FOXO3B: variants seen among roughly 807,000 people sequenced by gnomAD.
The protein encoded by FOXO3B is forkhead box O3B, also known as forkhead box protein O3B.
In FOXO3B, 15 loss-of-function variants were observed where a neutral mutation model predicts 21.9. The ratio of observed to expected loss-of-function variants is 0.68; its 90% CI spans 0.46 to 1.05. The LOEUF (loss-of-function observed/expected upper bound fraction) is 1.05. Ranked by LOEUF, FOXO3B falls within the 50% of genes least tolerant of loss-of-function variation. The pLI is 0.00. For missense variants in FOXO3B, 293 were observed against 435.5 expected (o/e 0.67, Z 2.91); for synonymous variants, 135 against 213.6 (o/e 0.63, Z 3.21).
rs1319139201 is a variant in FOXO3B at position 18,668,521 on chromosome 17, T to G, written c.*3788A>C. On this transcript the variant is annotated 3_prime_UTR_variant, in exon 4 of 4. Transcript: ENST00000395675. Reference sequence around the variant, plus strand: ...CTGAAAAGAATTCAACATTTTAAAGTTGAAACACATTGGAGGGTTGCCTTT... The same window carrying G: ...CTGAAAAGAATTCAACATTTTAAAGGTGAAACACATTGGAGGGTTGCCTTT... 1 of 152,632 alleles carries G rather than the reference T, an allele frequency of 6.6e-6. No individual in the cohort carries two copies. Among genetic ancestry groups the G allele is most frequent in the East Asian group, 1.9e-4 (1 of 5,204 alleles). 9.5% of individuals were successfully genotyped at this position (152,632 alleles called of 1,614,324 possible).
intron 1 of FOXO3B, 128 bp from the exon 2 acceptor site, chr17:18,681,974 T>C: frequency 1.6e-6 from 1 of 616,224 alleles, no homozygotes; most frequent in East Asian, 2.7e-5. Context: ...TTTGGACAAA[T>C]TCTGCCGCGC....
At position 18,668,436 on chromosome 17, in the gene FOXO3B, G is replaced by C. The variant is rs1252005769; in HGVS notation, c.*3873C>G. ...AATCTGGTTCTAGGACATTCTGTAAGACATTCTGCCTGAAATTCAACAAAC... is the reference window on the plus strand; with the variant it reads ...AATCTGGTTCTAGGACATTCTGTAACACATTCTGCCTGAAATTCAACAAAC... On this transcript the variant is annotated 3_prime_UTR_variant, in exon 4 of 4. Coordinates refer to ENST00000395675, the MANE Select transcript of FOXO3B (RefSeq NM_001368135.1). The C allele has an allele frequency of 6.6e-6, 1 of 152,564 alleles. No individual in the cohort carries two copies. Among genetic ancestry groups the C allele is most frequent in the Non-Finnish European group, 1.5e-5 (1 of 68,020 alleles). 9.5% of individuals were successfully genotyped at this position (152,564 alleles called of 1,614,324 possible). A position where few individuals can be genotyped will look rare whatever the true frequency, so the allele number is the denominator to read the frequency against.
In FOXO3B at chr17:18,672,867, C is replaced by T. The variant is rs2032401648; in HGVS notation, c.315G>A (p.Pro105=). 1.3e-6 allele frequency: 2 copies of T among 1,560,542 alleles called. No individual in the cohort carries two copies. Among genetic ancestry groups the T allele is most frequent in the East Asian group, 2.4e-5 (1 of 42,006 alleles). The change falls in exon 4 of 4, where the codon CCG becomes CCA. Residue 105 remains proline (P), a synonymous_variant. Coordinates refer to ENST00000395675, the MANE Select transcript of FOXO3B (RefSeq NM_001368135.1). The surrounding 1 kb of genome is among the most constrained non-coding windows in gnomAD (Gnocchi z 4.2). ...GCGGACGGCTCTGGGGCTCGAACTC[C>T]GGGTCCAGCTCCACTTCGAGCGGAG... The part of the protein sequence containing the change: ...PLSPLEVELD[P]EFEPQSRPRS...
At position 18,670,855 on chromosome 17, in the gene FOXO3B, T is replaced by C. The variant is rs940255354; in HGVS notation, c.*1454A>G. ...CAAAGGGTTTTCTCTGTAGGTCTTG[T>C]GTCAGTTTGAGGGTCTGCTTTGCCC... On this transcript the variant is annotated 3_prime_UTR_variant, in exon 4 of 4. Transcript: ENST00000395675. The C allele has an allele frequency of 2.9e-5, 46 of 1,576,120 alleles. No homozygotes were observed. In the African/African-American group the frequency reaches 5.1e-4, roughly 18 times the overall value.
chr17:18,674,335 G>A (rs983676197), intron 3 of FOXO3B, among the ~76,000 whole-genome samples: 1 of 150,352 alleles, frequency 6.7e-6, no homozygotes, highest in African/African-American at 2.5e-5. Flanking sequence ...TTAAAAATAG[G>A]GAGATTATTG....
rs2032396963 is a variant in FOXO3B, at chr17:18,672,731, C to G, written c.451G>C (p.Asp151His). The G allele has an allele frequency of 1.1e-5, 17 of 1,526,554 alleles. No individual in the cohort carries two copies. The highest frequency in any genetic ancestry group is 2.4e-5 in the East Asian group (1 of 41,150). 94.6% of individuals were successfully genotyped at this position (1,526,554 alleles called of 1,614,324 possible). Residue 151 changes from aspartate (D) to histidine (H), a missense_variant, in exon 4 of 4, where the codon GAC becomes CAC. This residue lies in a region of FOXO3B where 251 missense variants were observed against 404.0 expected (regional missense o/e 0.62). Coordinates refer to ENST00000395675, the MANE Select transcript of FOXO3B (RefSeq NM_001368135.1). The surrounding 1 kb of genome is among the most constrained non-coding windows in gnomAD (Gnocchi z 4.2). The stretch of plus-strand genomic sequence containing the variant: ...CCGGCCCGTCCCCCGCCGTCCTCGT[C>G]GTCTTCATCGTCCTCCTCCTCGGGG... ...MIPEEEDDED[D>H]EDGGGRAGSA...
At position 18,671,283 on chromosome 17, in the gene FOXO3B, C is replaced by T. The variant is rs1199085573; in HGVS notation, c.*1026G>A. The stretch of plus-strand genomic sequence containing the variant: ...GTTGCTGACAGAATTCGACAAGGCA[C>T]GGCTGCCACCAAGAGCGCCCTGGGT... On this transcript the variant is annotated 3_prime_UTR_variant, in exon 4 of 4. Coordinates refer to ENST00000395675, the MANE Select transcript of FOXO3B (RefSeq NM_001368135.1). The T allele has an allele frequency of 5.5e-5, 85 of 1,545,610 alleles. 2 individuals are homozygous for T. Among genetic ancestry groups the T allele is most frequent in the Middle Eastern group, 1.7e-4 (1 of 5,946 alleles).
rs116808485 is a variant in FOXO3B at position 18,680,829 on chromosome 17, A to G, written c.38T>C (p.Val13Ala). The G allele has an allele frequency of 0.068, 96,098 of 1,412,278 alleles. 9,521 individuals are homozygous for G. Among genetic ancestry groups the G allele is most frequent in the African/African-American group, 0.2 (12,187 of 60,644 alleles). 87.5% of individuals were successfully genotyped at this position (1,412,278 alleles called of 1,614,324 possible). A position where few individuals can be genotyped will look rare whatever the true frequency, so the allele number is the denominator to read the frequency against. The change falls in exon 3 of 4, where the codon GTT becomes GCT. Residue 13 changes from valine to alanine, a missense_variant and splice_region_variant. Val to Ala is a moderately conservative substitution (Grantham distance 64). Transcript: ENST00000395675. ...TDLAEMPEKGVLSSQDSPHFQ... is the reference protein window; with the variant it reads ...TDLAEMPEKGALSSQDSPHFQ... ...ATGGGGAGAATCCTGGGAAGACAGA[A>G]CTAACGACAAGAAAGCAGTAATGAT...
rs3813033 is a variant in FOXO3B at position 18,667,820 on chromosome 17, C to A, written c.*4489G>T. ...CATTAGGTACTCTTCTAATTTCTCA[C>A]CAAAAAGTAGGCGGCTCCCTAGAGC... is the stretch of plus-strand genomic sequence containing the variant. On this transcript the variant is annotated 3_prime_UTR_variant, in exon 4 of 4. Coordinates refer to ENST00000395675, the MANE Select transcript of FOXO3B (RefSeq NM_001368135.1). 7 of 150,930 alleles carry A rather than the reference C, an allele frequency of 4.6e-5. No individual in the cohort carries two copies. Among genetic ancestry groups the A allele is most frequent in the Non-Finnish European group, 1.0e-4 (7 of 67,864 alleles). 9.3% of individuals were successfully genotyped at this position (150,930 alleles called of 1,614,324 possible). A position where few individuals can be genotyped will look rare whatever the true frequency, so the allele number is the denominator to read the frequency against.
At chr17:18,676,813 G>A (rs1212893070) in intron 3 of FOXO3B, among the ~76,000 whole-genome samples, 1 of 151,622 alleles carries the variant, frequency 6.6e-6, no homozygotes, top group African/African-American at 2.4e-5. Context: ...CAATTCTCCT[G>A]CCTCAGCCTC....
rs1351615823 is a variant in FOXO3B at position 18,681,240 on chromosome 17, G to T, written c.37+375C>A. ...TAACAACCACCCCAGGGGGAATTCTGGTGTAGGAGGTCACAGCACAACCTT... is the reference window on the plus strand; with the variant it reads ...TAACAACCACCCCAGGGGGAATTCTTGTGTAGGAGGTCACAGCACAACCTT... On this transcript the variant is annotated intron_variant, in intron 2 of 3. Transcript: ENST00000395675. 25 of 405,818 alleles carry T rather than the reference G, an allele frequency of 6.2e-5. No individual in the cohort carries two copies. The East Asian group carries it at 1.2e-3, about 20-fold the overall frequency. 25.1% of individuals were successfully genotyped at this position (405,818 alleles called of 1,614,324 possible). A position where few individuals can be genotyped will look rare whatever the true frequency, so the allele number is the denominator to read the frequency against.
intron 3 of FOXO3B, chr17:18,677,539 T>C: frequency 6.2e-7 from 1 of 1,610,860 alleles, no homozygotes; most frequent in Non-Finnish European, 8.5e-7. Flanking sequence ...CGGGCCCGTC[T>C]GCTCACAGAG....
chr17:18,680,716 T>G, intron 3 of FOXO3B, 25 bp downstream of exon 3: 1 of 1,612,896 alleles, frequency 6.2e-7, no homozygotes, highest in Non-Finnish European at 8.5e-7. Context: ...AAGGTGTAAT[T>G]CCAATAATCA....
chr17:18,672,552 C>T lies in FOXO3B; in HGVS notation c.630G>A (p.Ala210=), dbSNP rs1317849537. The T allele has an allele frequency of 3.4e-6, 5 of 1,463,698 alleles. No homozygotes were observed. The highest frequency in any genetic ancestry group is 1.5e-5 in the African/African-American group (1 of 67,998). The allele number at this position is 1,463,698 out of a possible 1,614,324, so 90.7% of individuals were successfully genotyped here. Reference sequence around the variant, plus strand: ...GCAGCGGTTGCTGAGGCTGCAGCAGCGCCTGTGTACCCCCGCTCAGCCCGC... The same window carrying T: ...GCAGCGGTTGCTGAGGCTGCAGCAGTGCCTGTGTACCCCCGCTCAGCCCGC... ...AAGGLSGGTQ[A]LLQPQQPLPP... Residue 210 remains alanine (A), a synonymous_variant, in exon 4 of 4, where the codon GCG becomes GCA. Transcript: ENST00000395675. The surrounding 1 kb of genome is among the most constrained non-coding windows in gnomAD (Gnocchi z 4.2).
At position 18,672,470 on chromosome 17, in the gene FOXO3B, G is replaced by A. The variant is rs2032389043; in HGVS notation, c.712C>T (p.Arg238Trp). The A allele has an allele frequency of 4.4e-6, 7 of 1,574,584 alleles. No individual in the cohort carries two copies. The highest frequency in any genetic ancestry group is 1.4e-5 in the African/African-American group (1 of 73,198). Residue 238 changes from arginine to tryptophan, a missense_variant, in exon 4 of 4, where the codon CGG (arginine) becomes TGG (tryptophan). Physicochemically the swap from Arg to Trp is moderately radical, Grantham distance 101 (BLOSUM62 -3). This residue lies in a region of FOXO3B where 251 missense variants were observed against 404.0 expected (regional missense o/e 0.62). Transcript: ENST00000395675. This position sits in a 1 kb window ranked among gnomAD's most constrained non-coding sequence, Gnocchi z 4.2. ...GSGQPRKCSS[R>W]RNAWGNLSYA... The stretch of plus-strand genomic sequence containing the variant: ...GACAGGTTTCCCCAGGCGTTCCGCC[G>A]CGACGAACATTTCCTCGGCTGCCCG...
chr17:18,677,004 A>G (rs1207282437), intron 3 of FOXO3B, among the ~76,000 whole-genome samples: 1 of 152,236 alleles, frequency 6.6e-6, no homozygotes, highest in Non-Finnish European at 1.5e-5. Flanking sequence ...CACCCAGCTG[A>G]GAATAAAAGG....
At chr17:18,678,916 A>G (rs2032538272) in intron 3 of FOXO3B, among the ~76,000 whole-genome samples, 1 of 152,074 alleles carries the variant, frequency 6.6e-6, no homozygotes, top group African/African-American at 2.4e-5. Flanking sequence ...TATCTCATCC[A>G]GGAATGGGCC....
rs1457160537 is a variant in FOXO3B, at chr17:18,667,964, G to A, written c.*4345C>T. ...ATATGCTCCAGATCAGAAAATTATTGTTAGGGACCCGTGACACTCACTCAG... is the reference window on the plus strand; with the variant it reads ...ATATGCTCCAGATCAGAAAATTATTATTAGGGACCCGTGACACTCACTCAG... On this transcript the variant is annotated 3_prime_UTR_variant, in exon 4 of 4. Coordinates refer to ENST00000395675, the MANE Select transcript of FOXO3B (RefSeq NM_001368135.1). The A allele has an allele frequency of 6.6e-6, 1 of 152,236 alleles. No individual in the cohort carries two copies. Among genetic ancestry groups the A allele is most frequent in the Non-Finnish European group, 1.5e-5 (1 of 68,046 alleles). The allele number at this position is 152,236 out of a possible 1,614,324, so 9.4% of individuals were successfully genotyped here. A position where few individuals can be genotyped will look rare whatever the true frequency, so the allele number is the denominator to read the frequency against.
At chr17:18,676,268 G>A (rs960713618) in intron 3 of FOXO3B, among the ~76,000 whole-genome samples, 9 of 152,304 alleles carry the variant, frequency 5.9e-5, no homozygotes, top group South Asian at 2.1e-4. Flanking sequence ...ACTGTTGGCA[G>A]TTCCTAGTAA....
Sources: gnomAD v4.1 joint callset for allele counts (sites outside exome capture counted in the v4.1 genomes callset) on GRCh38, gnomAD v4.1.1 for gene constraint, gnomAD v4.1.1 regional missense constraint, Gnocchi (gnomAD v3.1) non-coding constraint, MANE v1.5 for transcripts, NCBI Gene and HGNC (gene_info 2026-07-23, HGNC 2026-07-21) for gene names.